Variants in CNTNAP2 observed in about 807,000 individuals in gnomAD.
CNTNAP2 encodes contactin associated protein 2.
CNTNAP2 carries 98 observed loss-of-function variants against 155.2 expected under a neutral mutation model. The ratio of observed to expected loss-of-function variants is 0.63; its 90% CI spans 0.54 to 0.75. The LOEUF (loss-of-function observed/expected upper bound fraction) is 0.75, where lower values mean the gene tolerates loss of function less well. Ranked by LOEUF, CNTNAP2 falls within the 30% of genes least tolerant of loss-of-function variation. The pLI is 0.00. For missense variants in CNTNAP2, 1,727 were observed against 1,688.1 expected (o/e 1.02, Z -0.40); for synonymous variants, 651 against 631.2 (o/e 1.03, Z -0.47).
chr7:147,875,831 A>G (rs1799412265), intron 13 of CNTNAP2, among the ~76,000 whole-genome samples: 1 of 152,240 alleles, frequency 6.6e-6, no homozygotes, highest in African/African-American at 2.4e-5. Context: ...GGATGTTTTC[A>G]GCATCAGATT....
intron 13 of CNTNAP2, among the ~76,000 whole-genome samples, chr7:147,769,196 C>G (rs1481418852): frequency 6.6e-6 from 1 of 152,054 alleles, no homozygotes; most frequent in Non-Finnish European, 1.5e-5. Flanking sequence ...ACAATAGAAT[C>G]AAATTATGTA....
chr7:147,210,176 T>G (rs1190161348), intron 8 of CNTNAP2, among the ~76,000 whole-genome samples: 1 of 151,952 alleles, frequency 6.6e-6, no homozygotes, highest in African/African-American at 2.4e-5. Context: ...TGCTACCAGG[T>G]CTTTTTTTGG....
intron 13 of CNTNAP2, among the ~76,000 whole-genome samples, chr7:147,706,887 A>G (rs1796324838): frequency 6.6e-6 from 1 of 151,964 alleles, no homozygotes; most frequent in Non-Finnish European, 1.5e-5. Flanking sequence ...AAGTTCGGAA[A>G]TTCTTTCTTC....
At chr7:147,943,012 G>A (rs919808061) in intron 14 of CNTNAP2, among the ~76,000 whole-genome samples, 6 of 151,790 alleles carry the variant, frequency 4.0e-5, no homozygotes, top group Non-Finnish European at 5.9e-5. Context: ...ACACCAGCCT[G>A]GGCGACAAAG....
chr7:147,055,636 TG>T (rs1247509055), intron 4 of CNTNAP2, among the ~76,000 whole-genome samples: 1 of 152,060 alleles, frequency 6.6e-6, no homozygotes, highest in South Asian at 2.1e-4. Context: ...GCAGGGGACA[TG>T]GGGGTTGTCC....
At chr7:147,437,185 A>G (rs1797563741) in intron 10 of CNTNAP2, among the ~76,000 whole-genome samples, 1 of 152,120 alleles carries the variant, frequency 6.6e-6, no homozygotes, top group South Asian at 2.1e-4. Context: ...TATACTGTGA[A>G]TATCTAATTC....
intron 9 of CNTNAP2, among the ~76,000 whole-genome samples, chr7:147,377,659 A>G (rs1025398985): frequency 5.9e-5 from 9 of 151,772 alleles, no homozygotes; most frequent in African/African-American, 1.9e-4. Flanking sequence ...TCTTAATTTT[A>G]CCATCTTCCC....
intron 3 of CNTNAP2, among the ~76,000 whole-genome samples, chr7:147,037,487 G>A (rs1799176878): frequency 8.0e-6 from 1 of 125,662 alleles, no homozygotes; most frequent in African/African-American, 3.0e-5. Context: ...TTGAGATGGA[G>A]TTTCGCTCTT....
At chr7:146,773,016 T>C (rs1177547483) in intron 1 of CNTNAP2, among the ~76,000 whole-genome samples, 1 of 151,944 alleles carries the variant, frequency 6.6e-6, no homozygotes, top group African/African-American at 2.4e-5. Context: ...AGCTATGGAG[T>C]TGAAGTGAGG....
At chr7:147,291,283 A>G (rs995174891) in intron 8 of CNTNAP2, among the ~76,000 whole-genome samples, 1 of 152,044 alleles carries the variant, frequency 6.6e-6, no homozygotes, top group Admixed American at 6.6e-5. Flanking sequence ...TAAGCCCCAC[A>G]TGCATGAGGT....
chr7:147,009,004 A>C (rs1269151721), intron 3 of CNTNAP2, among the ~76,000 whole-genome samples: 1 of 151,698 alleles, frequency 6.6e-6, no homozygotes, highest in Non-Finnish European at 1.5e-5. Flanking sequence ...AATATTTTTA[A>C]TGCTCAATTG....
chr7:147,354,973 G>T (rs547351513), intron 9 of CNTNAP2, among the ~76,000 whole-genome samples: 1 of 152,086 alleles, frequency 6.6e-6, no homozygotes, highest in Non-Finnish European at 1.5e-5. Context: ...TTGTGATTTT[G>T]CACACTGATT....
At chr7:146,562,385 TA>T (rs1563136006) in intron 1 of CNTNAP2, among the ~76,000 whole-genome samples, 2 of 152,128 alleles carry the variant, frequency 1.3e-5, no homozygotes, top group African/African-American at 4.8e-5. Context: ...GCTAAAAAAT[TA>T]AAAAGGTTAG....
At chr7:148,310,905 C>T (rs539341028) in intron 21 of CNTNAP2, among the ~76,000 whole-genome samples, 82 of 152,128 alleles carry the variant, frequency 5.4e-4, no homozygotes, top group Admixed American at 1.6e-3. Context: ...TGAGTATCTA[C>T]GAGCAACCTT....
intron 13 of CNTNAP2, among the ~76,000 whole-genome samples, chr7:147,708,308 A>T (rs1365635864): frequency 6.6e-6 from 1 of 152,062 alleles, no homozygotes; most frequent in African/African-American, 2.4e-5. Context: ...TCCTGGGGAT[A>T]TTGGGGTCAC....
chr7:148,130,069 T>A (rs1804799426), intron 16 of CNTNAP2, among the ~76,000 whole-genome samples: 1 of 152,208 alleles, frequency 6.6e-6, no homozygotes, highest in East Asian at 1.9e-4. Context: ...TACCTCAAGC[T>A]CAACATATCG....
chr7:147,403,285 C>T (rs1796949254), intron 10 of CNTNAP2, among the ~76,000 whole-genome samples: 1 of 152,206 alleles, frequency 6.6e-6, no homozygotes, highest in Non-Finnish European at 1.5e-5. Context: ...AACCAACATA[C>T]ATCTTACATA....
intron 2 of CNTNAP2, among the ~76,000 whole-genome samples, chr7:146,829,571 T>C: frequency 6.6e-6 from 1 of 152,114 alleles, no homozygotes; most frequent in Non-Finnish European, 1.5e-5. Flanking sequence ...AAGTATTTTT[T>C]TTTTACTTAA....
chr7:148,045,721 C>T (rs1424702757), intron 15 of CNTNAP2, among the ~76,000 whole-genome samples: 1 of 152,184 alleles, frequency 6.6e-6, no homozygotes, highest in Non-Finnish European at 1.5e-5. Flanking sequence ...CCATAATAGA[C>T]ACTACAGGGA....
Sources: gnomAD v4.1 joint callset for allele counts (sites outside exome capture counted in the v4.1 genomes callset) on GRCh38, gnomAD v4.1.1 for gene constraint, MANE v1.5 for transcripts, NCBI Gene and HGNC (gene_info 2026-07-23, HGNC 2026-07-21) for gene names.